The following VEPH1 variants were observed in gnomAD, a reference collection of about 807,000 sequenced individuals.
VEPH1 encodes the protein ventricular zone expressed PH domain containing 1, also known as ventricular zone-expressed PH domain-containing protein homolog 1.
A neutral mutation model predicts 85.2 loss-of-function variants in VEPH1; 80 were observed. That is an observed-to-expected ratio of 0.94 (90% CI 0.78 to 1.13). The LOEUF (loss-of-function observed/expected upper bound fraction) is 1.13, where lower values mean the gene tolerates loss of function less well. Ranked by LOEUF, VEPH1 falls within the 50% of genes most tolerant of loss-of-function variation. The pLI is 0.00. For missense variants in VEPH1, 955 were observed against 980.5 expected (o/e 0.97, Z 0.35); for synonymous variants, 297 against 348.0 (o/e 0.85, Z 1.63).
intron 2 of VEPH1, among the ~76,000 whole-genome samples, chr3:157,490,249 A>G (rs1739105064): frequency 6.6e-6 from 1 of 152,072 alleles, no homozygotes; most frequent in Admixed American, 6.6e-5. Flanking sequence ...AAGCAGTGTT[A>G]AAGAAGGGTG....
At chr3:157,325,784 C>T (rs1374099753) in intron 9 of VEPH1, among the ~76,000 whole-genome samples, 3 of 152,068 alleles carry the variant, frequency 2.0e-5, no homozygotes, top group African/African-American at 4.8e-5. Flanking sequence ...CAGCTTTATT[C>T]GTTTTACTTA....
At chr3:157,390,095 G>T (rs904753625) in intron 6 of VEPH1, among the ~76,000 whole-genome samples, 2 of 152,170 alleles carry the variant, frequency 1.3e-5, no homozygotes, top group Non-Finnish European at 2.9e-5. Flanking sequence ...GAAGACTGGG[G>T]ACAGTCATTT....
intron 2 of VEPH1, among the ~76,000 whole-genome samples, chr3:157,470,940 C>G (rs1736889597): frequency 6.6e-6 from 1 of 152,206 alleles, no homozygotes; most frequent in South Asian, 2.1e-4. Context: ...TTTTCTCCCT[C>G]TTTCTGGACA....
intron 12 of VEPH1, among the ~76,000 whole-genome samples, chr3:157,284,462 T>G (rs1716526758): frequency 6.6e-6 from 1 of 152,190 alleles, no homozygotes; most frequent in South Asian, 2.1e-4. Context: ...GCATGACCAA[T>G]AAAGCATTTG....
intron 4 of VEPH1, among the ~76,000 whole-genome samples, chr3:157,429,891 G>A (rs12634325): frequency 6.6e-6 from 1 of 152,096 alleles, no homozygotes; most frequent in Admixed American, 6.5e-5. Flanking sequence ...ATGGCATTTC[G>A]GTACAAAACT....
In VEPH1 at chr3:157,470,484, TAC is replaced by T. The variant is rs1560090010; in HGVS notation, c.182_183del (p.Cys61TyrfsTer15). The T allele has an allele frequency of 1.2e-6, 2 of 1,614,234 alleles. No homozygotes were observed. The highest frequency in any genetic ancestry group is 1.7e-5 in the Admixed American group (1 of 60,026). The stretch of plus-strand genomic sequence containing the variant: ...CTGATGGCTGTTGTGATTCTTGTGA[TAC>T]AGATTTCAACTACTGCCTGGTCATT... ...NNNDQAVVEI[C>X]ITRITTAIRE... On this transcript the variant is annotated frameshift_variant, in exon 3 of 14. Transcript: ENST00000362010. LOFTEE classifies it high-confidence loss of function.
intron 9 of VEPH1, among the ~76,000 whole-genome samples, chr3:157,347,942 C>A (rs753845899): frequency 6.6e-6 from 1 of 152,226 alleles, no homozygotes; most frequent in African/African-American, 2.4e-5. Flanking sequence ...CTGGGCGCCA[C>A]GTTGAGACCA....
At chr3:157,276,369 G>A (rs1355984390) in intron 12 of VEPH1, among the ~76,000 whole-genome samples, 28 of 152,206 alleles carry the variant, frequency 1.8e-4, no homozygotes, top group Admixed American at 1.6e-3. Flanking sequence ...CTGCCAGCTT[G>A]TTAGAATGCA....
At chr3:157,349,197 T>C (rs1724573636) in intron 9 of VEPH1, among the ~76,000 whole-genome samples, 1 of 152,374 alleles carries the variant, frequency 6.6e-6, no homozygotes, top group South Asian at 2.1e-4. Context: ...GATTAAGTGA[T>C]ATTTATTGCA....
intron 7 of VEPH1, among the ~76,000 whole-genome samples, chr3:157,365,302 C>T (rs374021400): frequency 3.3e-5 from 5 of 152,280 alleles, no homozygotes; most frequent in Non-Finnish European, 7.4e-5. Context: ...AGCTGGCCTA[C>T]AGCTACTTTA....
At chr3:157,496,111 T>C (rs1258451814) in intron 1 of VEPH1, among the ~76,000 whole-genome samples, 2 of 152,218 alleles carry the variant, frequency 1.3e-5, no homozygotes, top group Admixed American at 1.3e-4. Context: ...AGAATGGCGT[T>C]AGATAAATCT....
chr3:157,381,479 T>A, intron 6 of VEPH1, 103 bp from the exon 7 acceptor site: 2 of 1,139,030 alleles, frequency 1.8e-6, no homozygotes, highest in South Asian at 1.4e-5. Context: ...CTGAGGTGGG[T>A]GGATGGCTTG....
intron 2 of VEPH1, among the ~76,000 whole-genome samples, chr3:157,486,380 C>A (rs1034992742): frequency 6.6e-6 from 1 of 151,618 alleles, no homozygotes; most frequent in Non-Finnish European, 1.5e-5. Context: ...CCTGTAATCC[C>A]AGCTACCCAG....
intron 4 of VEPH1, among the ~76,000 whole-genome samples, chr3:157,456,182 G>A (rs1577699943): frequency 6.6e-6 from 1 of 152,050 alleles, no homozygotes; most frequent in Non-Finnish European, 1.5e-5. Context: ...TTTGAAAAGT[G>A]TCTTTTCATG....
intron 4 of VEPH1, among the ~76,000 whole-genome samples, chr3:157,430,280 T>C (rs1733042031): frequency 6.6e-6 from 1 of 152,224 alleles, no homozygotes; most frequent in Non-Finnish European, 1.5e-5. Context: ...AAACATTATA[T>C]AGTATTGTTT....
At chr3:157,353,387 C>T (rs532530357) in intron 9 of VEPH1, among the ~76,000 whole-genome samples, 1 of 152,226 alleles carries the variant, frequency 6.6e-6, no homozygotes, top group South Asian at 2.1e-4. Context: ...CCTATCTCAG[C>T]CTCCTGAGAA....
chr3:157,298,403 A>G (rs1577273272), intron 11 of VEPH1, among the ~76,000 whole-genome samples: 1 of 152,304 alleles, frequency 6.6e-6, no homozygotes, highest in South Asian at 2.1e-4. Context: ...CTGCCCCAGA[A>G]CTACCAGGAT....
At chr3:157,408,769 C>G (rs1189495657) in intron 6 of VEPH1, among the ~76,000 whole-genome samples, 1 of 152,058 alleles carries the variant, frequency 6.6e-6, no homozygotes, top group East Asian at 1.9e-4. Flanking sequence ...AGGGTAAAAG[C>G]TATCCAGGCA....
chr3:157,309,105 T>A (rs1345128852), intron 11 of VEPH1, among the ~76,000 whole-genome samples: 2 of 152,112 alleles, frequency 1.3e-5, no homozygotes, highest in Non-Finnish European at 2.9e-5. Flanking sequence ...ATTATTATTA[T>A]TATTAATGCC....
Sources: allele counts gnomAD v4.1 joint callset (sites outside exome capture counted in the v4.1 genomes callset), GRCh38; gene constraint gnomAD v4.1.1; transcripts MANE v1.5; gene names NCBI Gene and HGNC (gene_info 2026-07-23, HGNC 2026-07-21).